PCDHGA5: variants seen among roughly 807,000 people sequenced by gnomAD.
The protein encoded by PCDHGA5 is protocadherin gamma subfamily A, 5.
PCDHGA5 carries 36 observed loss-of-function variants against 56.7 expected under a neutral mutation model. That is an observed-to-expected ratio of 0.64 (90% confidence interval 0.49 to 0.84). The LOEUF (loss-of-function observed/expected upper bound fraction) is 0.84, where lower values mean the gene tolerates loss of function less well. Ranked by LOEUF, PCDHGA5 falls within the 40% of genes least tolerant of loss-of-function variation. The pLI is 0.00. For missense variants in PCDHGA5, 1,305 were observed against 1,201.5 expected (o/e 1.09, Z -1.27); for synonymous variants, 563 against 520.2 (o/e 1.08, Z -1.12).
Position 141,404,638 on chromosome 5 carries a change from C to T in PCDHGA5, c.2421+37887C>T, listed in dbSNP as rs776247476. On this transcript the variant is annotated intron_variant, in intron 1 of 3. Coordinates refer to ENST00000518069, the MANE Select transcript of PCDHGA5 (RefSeq NM_018918.3). Reference sequence around the variant, plus strand: ...ACCAGAATGACAATGCCCCAGAAATCCTGTACCCTGCCCTCCCCACTGATG... The same window carrying T: ...ACCAGAATGACAATGCCCCAGAAATTCTGTACCCTGCCCTCCCCACTGATG... 5 of 1,614,194 alleles carry T rather than the reference C, an allele frequency of 3.1e-6. No homozygotes were observed. In the South Asian group the frequency reaches 5.5e-5, roughly 18 times the overall value.
rs188916402 is a variant in PCDHGA5, at chr5:141,473,975, G to A, written c.2422-20832G>A. 4.6e-5 allele frequency among the ~76,000 whole-genome samples: 7 copies of A among 152,222 alleles called. No homozygotes were observed. The East Asian group carries it at 7.7e-4, about 17-fold the overall frequency. ...TCCCATCTACTTAGAAGTCTGAGGCGGGAGGATCCCTTGAGCCCAAGGAGC... is the reference window on the plus strand; with the variant it reads ...TCCCATCTACTTAGAAGTCTGAGGCAGGAGGATCCCTTGAGCCCAAGGAGC... On this transcript the variant is annotated intron_variant, in intron 1 of 3. Transcript: ENST00000518069.
rs769461165 is a variant in PCDHGA5, at chr5:141,491,293, C to G, written c.2422-3514C>G. 2 of 1,614,048 alleles carry G rather than the reference C, an allele frequency of 1.2e-6. No individual in the cohort carries two copies. Among genetic ancestry groups the G allele is most frequent in the Admixed American group, 3.3e-5 (2 of 60,008 alleles). ...ATCCAGTGACTTCCTCATACACCCT[C>G]CTGAGCGTTCAGACCTTACCCTTTA... On this transcript the variant is annotated intron_variant, in intron 1 of 3. Coordinates refer to ENST00000518069, the MANE Select transcript of PCDHGA5 (RefSeq NM_018918.3). This position sits in a 1 kb window ranked among gnomAD's most constrained non-coding sequence, Gnocchi z 6.9.
Position 141,512,147 on chromosome 5 carries a change from GGCTGA to G in PCDHGA5, c.*978_*982del, listed in dbSNP as rs1406468661. The G allele has an allele frequency of 1.3e-5, 2 of 152,652 alleles. No homozygotes were observed. Among genetic ancestry groups the G allele is most frequent in the Admixed American group, 6.5e-5 (1 of 15,286 alleles). The allele number at this position is 152,652 out of a possible 1,614,324, so 9.5% of individuals were successfully genotyped here. A position where few individuals can be genotyped will look rare whatever the true frequency, so the allele number is the denominator to read the frequency against. On this transcript the variant is annotated 3_prime_UTR_variant, in exon 4 of 4. Coordinates refer to ENST00000518069, the MANE Select transcript of PCDHGA5 (RefSeq NM_018918.3). ...GGCTCAGCCCAGGCAGCCAGCTTTG[GGCTGA>G]GCTAACAGGACCAATGGATTAAACT... is the stretch of plus-strand genomic sequence containing the variant.
In PCDHGA5 at chr5:141,415,645, A is replaced by T. The variant is rs200555070; in HGVS notation, c.2421+48894A>T. On this transcript the variant is annotated intron_variant, in intron 1 of 3. Transcript: ENST00000518069. The stretch of plus-strand genomic sequence containing the variant: ...TATTTTCATTTTTACTTTTGTTAAA[A>T]AAAAAAAGATTGGTTTTTACTTTGA... The T allele has an allele frequency of 3.5e-3, 5,682 of 1,600,720 alleles. 22 individuals carry two copies. The highest frequency in any genetic ancestry group is 5.0e-3 in the Middle Eastern group (30 of 6,044).
intron 1 of PCDHGA5, chr5:141,419,497 G>T (rs1357823931): frequency 9.9e-6 from 16 of 1,612,390 alleles, no homozygotes; most frequent in Non-Finnish European, 1.4e-5. Context: ...GCGCCAATGT[G>T]AGCCTGCGCG....
intron 1 of PCDHGA5, among the ~76,000 whole-genome samples, chr5:141,447,632 T>G (rs931349669): frequency 9.2e-5 from 14 of 152,160 alleles, no homozygotes; most frequent in Non-Finnish European, 2.1e-4. Flanking sequence ...ACCAACAGTA[T>G]GAATGATGGT....
Position 141,365,648 on chromosome 5 carries a change from T to C in PCDHGA5, c.1318T>C (p.Leu440=). 1 of 1,613,486 alleles carries C rather than the reference T, an allele frequency of 6.2e-7. No individual in the cohort carries two copies. Among genetic ancestry groups the C allele is most frequent in the East Asian group, 2.2e-5 (1 of 44,860 alleles). ...CCTCTCTACAGAAAGCCACATCCCCTTGAAAGTAGCAGACGTTAATGACAA... is the reference window on the plus strand; with the variant it reads ...CCTCTCTACAGAAAGCCACATCCCCCTGAAAGTAGCAGACGTTAATGACAA... ...PPLSTESHIP[L]KVADVNDNPP... is the part of the protein sequence containing the mutation. The change falls in exon 1 of 4, where the codon TTG becomes CTG. Residue 440 remains leucine (L), a synonymous_variant. Transcript: ENST00000518069.
chr5:141,394,537 T>C, intron 1 of PCDHGA5: 1 of 1,614,146 alleles, frequency 6.2e-7, no homozygotes, highest in Non-Finnish European at 8.5e-7. Flanking sequence ...TCCACTGGCG[T>C]GGAGCTGGCG....
intron 1 of PCDHGA5, chr5:141,378,543 A>G (rs1328752937): frequency 6.6e-6 from 1 of 152,122 alleles, no homozygotes; most frequent in East Asian, 1.9e-4. Context: ...AATGATAATT[A>G]ATAAATAAAG....
At chr5:141,379,301 T>C (rs1454001720) in intron 1 of PCDHGA5, 1 of 152,244 alleles carries the variant, frequency 6.6e-6, no homozygotes, top group East Asian at 1.9e-4. Context: ...CAAAGGTATA[T>C]ACCTAAACAA....
intron 1 of PCDHGA5, chr5:141,421,969 T>C (rs1039340340): frequency 1.2e-6 from 2 of 1,611,188 alleles, no homozygotes; most frequent in Admixed American, 1.7e-5. Flanking sequence ...ACAGTCCGTA[T>C]ATCGCGTGAG....
rs202006594 is a variant in PCDHGA5, at chr5:141,477,618, C to A, written c.2422-17189C>A. 15 of 1,614,176 alleles carry A rather than the reference C, an allele frequency of 9.3e-6. No homozygotes were observed. The African/African-American group carries it at 1.3e-4, about 14-fold the overall frequency. ...TCTTTCTTTCTCTTGGAGCAAGGAGCTGAAACCGGGCTAGTGGGTCGCTAT... is the reference window on the plus strand; with the variant it reads ...TCTTTCTTTCTCTTGGAGCAAGGAGATGAAACCGGGCTAGTGGGTCGCTAT... On this transcript the variant is annotated intron_variant, in intron 1 of 3. Coordinates refer to ENST00000518069, the MANE Select transcript of PCDHGA5 (RefSeq NM_018918.3). The surrounding 1 kb of genome is among the most constrained non-coding windows in gnomAD (Gnocchi z 4.9).
chr5:141,372,607 G>A, intron 1 of PCDHGA5: 1 of 1,614,000 alleles, frequency 6.2e-7, no homozygotes, highest in South Asian at 1.1e-5. Context: ...ACTGTACCTG[G>A]AGTTCTCCCC....
rs771398829 is a variant in PCDHGA5, at chr5:141,421,251, G to A, written c.2421+54500G>A. ...CCATGGCGAATCGGCTACAGCGCGG[G>A]GACCGCAGTCGGCTGCTGCTGCTGC... On this transcript the variant is annotated intron_variant, in intron 1 of 3. Transcript: ENST00000518069. 17 of 1,606,770 alleles carry A rather than the reference G, an allele frequency of 1.1e-5. No homozygotes were observed. The East Asian group carries it at 3.1e-4, about 30-fold the overall frequency.
At chr5:141,436,793 C>T (rs752376420) in intron 1 of PCDHGA5, among the ~76,000 whole-genome samples, 4 of 152,178 alleles carry the variant, frequency 2.6e-5, no homozygotes, top group Non-Finnish European at 5.9e-5. Flanking sequence ...TAAAACTGTT[C>T]TAAAATTTTT....
Position 141,492,511 on chromosome 5 carries a change from C to T in PCDHGA5, c.2422-2296C>T, listed in dbSNP as rs58889912. Among the ~76,000 whole-genome samples the T allele has an allele frequency of 1.7e-3, 262 of 152,326 alleles. 2 individuals are homozygous for T. The highest frequency in any genetic ancestry group is 6.0e-3 in the African/African-American group (249 of 41,582). On this transcript the variant is annotated intron_variant, in intron 1 of 3. Coordinates refer to ENST00000518069, the MANE Select transcript of PCDHGA5 (RefSeq NM_018918.3). Reference sequence around the variant, plus strand: ...CCAGGCGAGGACTCCGGAGCCTCCTCTCACCTCTCCCACCTGCGCCCCGGG... The same window carrying T: ...CCAGGCGAGGACTCCGGAGCCTCCTTTCACCTCTCCCACCTGCGCCCCGGG...
chr5:141,473,700 C>G (rs1474416849), intron 1 of PCDHGA5, among the ~76,000 whole-genome samples: 1 of 152,148 alleles, frequency 6.6e-6, no homozygotes, highest in Non-Finnish European at 1.5e-5. Context: ...GACCACCCTC[C>G]AAGTGGTGCA....
intron 1 of PCDHGA5, among the ~76,000 whole-genome samples, chr5:141,461,824 T>C (rs958063237): frequency 1.3e-5 from 2 of 151,968 alleles, no homozygotes; most frequent in African/African-American, 4.8e-5. Flanking sequence ...CAGCTAATTT[T>C]TTTTTCTTTT....
chr5:141,398,586 A>C, intron 1 of PCDHGA5: 1 of 1,614,054 alleles, frequency 6.2e-7, no homozygotes, highest in Admixed American at 1.7e-5. Flanking sequence ...CAAGATTTAT[A>C]CTAGAAGTAG....
Sources: gnomAD v4.1 joint callset for allele counts (sites outside exome capture counted in the v4.1 genomes callset) on GRCh38, gnomAD v4.1.1 for gene constraint, Gnocchi (gnomAD v3.1) non-coding constraint, MANE v1.5 for transcripts, NCBI Gene and HGNC (gene_info 2026-07-23, HGNC 2026-07-21) for gene names.